The following CADM2 variants were observed in gnomAD, a reference collection of about 807,000 sequenced individuals.
The protein encoded by CADM2 is cell adhesion molecule 2, also known as immunoglobulin superfamily member 4D.
CADM2 carries 12 observed loss-of-function variants against 49.8 expected under a neutral mutation model. The observed-to-expected ratio is 0.24, with a 90% CI of 0.15 to 0.39. The LOEUF is 0.39. Ranked by LOEUF, CADM2 falls within the 10% of genes least tolerant of loss-of-function variation. The pLI, the probability that CADM2 is intolerant of heterozygous loss-of-function variation, is 1.00. For synonymous variants in CADM2, 214 were observed against 175.4 expected (o/e 1.22, Z -1.74); for missense variants, 378 against 492.3 (o/e 0.77, Z 2.20).
At chr3:85,986,788 G>T (rs1343871066) in intron 8 of CADM2, among the ~76,000 whole-genome samples, 1 of 152,076 alleles carries the variant, frequency 6.6e-6, no homozygotes, top group Non-Finnish European at 1.5e-5. Context: ...ATGTTCTATA[G>T]GTGGAGGTAC....
chr3:85,010,842 T>G lies in CADM2; in HGVS notation c.61+51174T>G, dbSNP rs1255972984. Among the ~76,000 whole-genome samples, 46 of 146,462 alleles carry G rather than the reference T, an allele frequency of 3.1e-4. 1 individual carries two copies. The highest frequency in any genetic ancestry group is 1.1e-3 in the African/African-American group (44 of 39,700). On this transcript the variant is annotated intron_variant, in intron 1 of 9. Transcript: ENST00000383699. ...TTTCTTTAATTTTCCCAAATCACTC[T>G]GTTTATGTCTTTTTTTTTTTTTTTT...
chr3:85,072,327 T>A (rs2036780625), intron 1 of CADM2, among the ~76,000 whole-genome samples: 1 of 152,032 alleles, frequency 6.6e-6, no homozygotes, highest in Non-Finnish European at 1.5e-5. Flanking sequence ...ACTTATTAAA[T>A]ATTCTCTGAT....
At chr3:85,868,801 T>G (rs2075814645) in intron 3 of CADM2, among the ~76,000 whole-genome samples, 1 of 152,182 alleles carries the variant, frequency 6.6e-6, no homozygotes, top group South Asian at 2.1e-4. Flanking sequence ...CTGAGCTATC[T>G]CAAGTTGGTT....
At chr3:85,503,632 A>G (rs1343313958) in intron 1 of CADM2, among the ~76,000 whole-genome samples, 4 of 152,178 alleles carry the variant, frequency 2.6e-5, no homozygotes, top group Admixed American at 6.5e-5. Flanking sequence ...CGTATTGTAT[A>G]TTTCCCTACA....
chr3:85,180,400 T>C (rs973356830), intron 1 of CADM2, among the ~76,000 whole-genome samples: 5 of 150,996 alleles, frequency 3.3e-5, no homozygotes, highest in Admixed American at 1.3e-4. Flanking sequence ...TCCCAGCTAA[T>C]TGGGAGGATG....
chr3:85,258,179 A>G (rs1254317122), intron 1 of CADM2, among the ~76,000 whole-genome samples: 1 of 152,086 alleles, frequency 6.6e-6, no homozygotes, highest in Non-Finnish European at 1.5e-5. Context: ...TGATTATCTC[A>G]GATATTTAGA....
intron 1 of CADM2, among the ~76,000 whole-genome samples, chr3:85,454,840 C>T (rs534068947): frequency 5.8e-4 from 61 of 104,590 alleles, no homozygotes; most frequent in African/African-American, 1.5e-3. Flanking sequence ...CAAACATTAA[C>T]ACACAAAACA....
At chr3:85,396,781 A>T (rs532596517) in intron 1 of CADM2, among the ~76,000 whole-genome samples, 173 of 152,102 alleles carry the variant, frequency 1.1e-3, no homozygotes, top group Admixed American at 2.2e-3. Context: ...TGGATCAAAT[A>T]CCTAAACAAA....
intron 8 of CADM2, among the ~76,000 whole-genome samples, chr3:86,037,355 T>C (rs1735292847): frequency 6.6e-6 from 1 of 152,198 alleles, no homozygotes; most frequent in African/African-American, 2.4e-5. Flanking sequence ...CATTGGTTGT[T>C]ATGTATATGT....
chr3:85,747,561 C>T (rs1321242349), intron 2 of CADM2, among the ~76,000 whole-genome samples: 2 of 152,006 alleles, frequency 1.3e-5, no homozygotes, highest in Non-Finnish European at 2.9e-5. Flanking sequence ...GAGAATCAAC[C>T]CATCTTGGCT....
intron 1 of CADM2, among the ~76,000 whole-genome samples, chr3:85,083,418 C>T (rs1187369088): frequency 1.3e-5 from 2 of 152,100 alleles, no homozygotes; most frequent in African/African-American, 4.8e-5. Flanking sequence ...TTTTCTTCTC[C>T]TTCATCTTTC....
chr3:86,050,297 G>C (rs1379972648), intron 8 of CADM2, among the ~76,000 whole-genome samples: 1 of 152,192 alleles, frequency 6.6e-6, no homozygotes, highest in Non-Finnish European at 1.5e-5. Context: ...GGTTTGAGGG[G>C]TGGGCTACTA....
intron 1 of CADM2, among the ~76,000 whole-genome samples, chr3:85,476,080 C>T (rs181373295): frequency 3.2e-4 from 48 of 151,958 alleles, no homozygotes; most frequent in Middle Eastern, 3.4e-3. Context: ...TCTAATTAAA[C>T]ACTACTTCAA....
intron 2 of CADM2, among the ~76,000 whole-genome samples, chr3:85,785,637 C>A (rs894302384): frequency 6.6e-6 from 1 of 151,962 alleles, no homozygotes; most frequent in East Asian, 1.9e-4. Flanking sequence ...CTAGCAGAGG[C>A]CCTGGGACTC....
chr3:85,306,380 T>C (rs2044213287), intron 1 of CADM2, among the ~76,000 whole-genome samples: 1 of 151,714 alleles, frequency 6.6e-6, no homozygotes, highest in Non-Finnish European at 1.5e-5. Context: ...ACTTCATCAA[T>C]CTAATGAAGG....
chr3:85,103,397 A>G (rs2038083646), intron 1 of CADM2, among the ~76,000 whole-genome samples: 1 of 143,152 alleles, frequency 7.0e-6, no homozygotes, highest in Non-Finnish European at 1.5e-5. Flanking sequence ...AGCTTCAACA[A>G]AAAAAAATGT....
At chr3:84,970,274 A>ATTTTTTT in intron 1 of CADM2, among the ~76,000 whole-genome samples, 1 of 147,148 alleles carries the variant, frequency 6.8e-6, no homozygotes, top group Non-Finnish European at 1.5e-5. Context: ...ATTGAATTTG[A>ATTTTTTT]TTTTTTTTTT....
intron 1 of CADM2, among the ~76,000 whole-genome samples, chr3:85,312,798 C>T (rs1020053272): frequency 6.6e-6 from 1 of 152,094 alleles, no homozygotes; most frequent in East Asian, 1.9e-4. Flanking sequence ...TTTAAGAGTG[C>T]ATACTGGCTC....
intron 8 of CADM2, among the ~76,000 whole-genome samples, chr3:85,998,218 A>C (rs1729674736): frequency 6.6e-6 from 1 of 152,114 alleles, no homozygotes; most frequent in South Asian, 2.1e-4. Context: ...TATTTTTTTA[A>C]TTTCTATTTT....
Sources: gnomAD v4.1 joint callset for allele counts (sites outside exome capture counted in the v4.1 genomes callset) on GRCh38, gnomAD v4.1.1 for gene constraint, MANE v1.5 for transcripts, NCBI Gene and HGNC (gene_info 2026-07-23, HGNC 2026-07-21) for gene names.